Variants in DCC observed in about 807,000 individuals in gnomAD.
DCC encodes DCC netrin 1 receptor, also known as netrin receptor DCC.
DCC carries 58 observed loss-of-function variants against 172.5 expected under a neutral mutation model. That is an observed-to-expected ratio of 0.34 (90% CI 0.27 to 0.42). DCC has a LOEUF of 0.42. Ranked by LOEUF, DCC falls within the 10% of genes least tolerant of loss-of-function variation. The probability of loss-of-function intolerance (pLI) is 1.00; values close to 1 mark genes in which losing one functional copy is unlikely to be tolerated. For missense variants in DCC, 1,740 were observed against 1,791.0 expected (o/e 0.97, Z 0.51); for synonymous variants, 709 against 644.5 (o/e 1.10, Z -1.52).
At chr18:53,322,415 T>C (rs2057421965) in intron 14 of DCC, among the ~76,000 whole-genome samples, 2 of 152,154 alleles carry the variant, frequency 1.3e-5, no homozygotes, top group African/African-American at 4.8e-5. Context: ...GTTTTCAAGA[T>C]CATCTGAAAT....
At chr18:52,386,748 C>T (rs969816269) in intron 1 of DCC, among the ~76,000 whole-genome samples, 22 of 152,082 alleles carry the variant, frequency 1.4e-4, no homozygotes, top group African/African-American at 5.3e-4. Context: ...AATTTAATTG[C>T]TGGTGCTGTT....
chr18:52,593,773 C>T (rs2033850549), intron 1 of DCC, among the ~76,000 whole-genome samples: 1 of 152,174 alleles, frequency 6.6e-6, no homozygotes, highest in African/African-American at 2.4e-5. Context: ...CAACAGCGCT[C>T]CTTTCCCATT....
intron 22 of DCC, among the ~76,000 whole-genome samples, chr18:53,437,365 G>A (rs1912008300): frequency 6.6e-6 from 1 of 152,030 alleles, no homozygotes; most frequent in Non-Finnish European, 1.5e-5. Flanking sequence ...CAGATCACGA[G>A]GTCAGGAAAT....
chr18:52,687,591 C>G (rs1037989567), intron 1 of DCC, among the ~76,000 whole-genome samples: 1 of 151,920 alleles, frequency 6.6e-6, no homozygotes. Flanking sequence ...TGTGTAGATA[C>G]TTTTGCAAAT....
chr18:53,191,428 T>G (rs1260876080), intron 9 of DCC, among the ~76,000 whole-genome samples: 2 of 148,168 alleles, frequency 1.3e-5, no homozygotes, highest in Non-Finnish European at 3.0e-5. Flanking sequence ...TAACCTCATA[T>G]TTTTATAGTA....
chr18:52,588,584 G>T (rs985738259), intron 1 of DCC, among the ~76,000 whole-genome samples: 2 of 152,172 alleles, frequency 1.3e-5, no homozygotes, highest in East Asian at 1.9e-4. Context: ...AGTGCTAATT[G>T]CTGGAAAGAA....
chr18:53,318,169 T>C (rs1402887300), intron 13 of DCC, among the ~76,000 whole-genome samples: 1 of 152,210 alleles, frequency 6.6e-6, no homozygotes, highest in South Asian at 2.1e-4. Context: ...CCAGAGATTG[T>C]AGTATGTTGT....
chr18:52,426,437 C>G (rs1987429697), intron 1 of DCC, among the ~76,000 whole-genome samples: 1 of 151,802 alleles, frequency 6.6e-6, no homozygotes, highest in Admixed American at 6.6e-5. Flanking sequence ...ACCCAGTGGG[C>G]ACAAGAGTTA....
chr18:53,431,333 A>C (rs1015771670), intron 21 of DCC, among the ~76,000 whole-genome samples: 2 of 151,774 alleles, frequency 1.3e-5, no homozygotes, highest in Non-Finnish European at 2.9e-5. Context: ...TTAAGTGAAA[A>C]TCAATTAATT....
intron 1 of DCC, among the ~76,000 whole-genome samples, chr18:52,342,644 T>G (rs1983706926): frequency 1.3e-5 from 2 of 152,144 alleles, no homozygotes; most frequent in South Asian, 4.1e-4. Context: ...TCAGGGGGCA[T>G]CCCTTACTGG....
chr18:52,869,540 G>A (rs796595321), intron 2 of DCC, among the ~76,000 whole-genome samples: 4 of 152,306 alleles, frequency 2.6e-5, no homozygotes, highest in African/African-American at 9.6e-5. Context: ...TTCCTGGCTT[G>A]AAGGTGGGGC....
chr18:53,471,933 T>C (rs1317565236), intron 25 of DCC, among the ~76,000 whole-genome samples: 11 of 152,180 alleles, frequency 7.2e-5, no homozygotes, highest in Non-Finnish European at 1.3e-4. Context: ...TTTAATATAA[T>C]CTTTATAGGG....
At chr18:52,817,169 T>C (rs999709021) in intron 2 of DCC, among the ~76,000 whole-genome samples, 4 of 152,164 alleles carry the variant, frequency 2.6e-5, no homozygotes, top group Non-Finnish European at 5.9e-5. Context: ...AAAATCAATA[T>C]ATACATATGT....
At chr18:53,043,936 A>T (rs2042202670) in intron 5 of DCC, among the ~76,000 whole-genome samples, 1 of 151,870 alleles carries the variant, frequency 6.6e-6, no homozygotes, top group Non-Finnish European at 1.5e-5. Flanking sequence ...AATGCCAAGA[A>T]AAAAGAAGGA....
At chr18:52,903,328 C>T (rs557284216) in intron 2 of DCC, among the ~76,000 whole-genome samples, 1 of 152,234 alleles carries the variant, frequency 6.6e-6, no homozygotes, top group East Asian at 1.9e-4. Context: ...CCTCAGCCTC[C>T]CGAGTAGCTG....
intron 1 of DCC, among the ~76,000 whole-genome samples, chr18:52,424,451 G>A (rs555278526): frequency 2.6e-5 from 4 of 152,158 alleles, no homozygotes; most frequent in Non-Finnish European, 5.9e-5. Flanking sequence ...CGTAGGGGAA[G>A]CACAAGTGCT....
intron 2 of DCC, among the ~76,000 whole-genome samples, chr18:52,869,360 C>T (rs572647061): frequency 3.3e-5 from 5 of 152,306 alleles, no homozygotes; most frequent in South Asian, 2.1e-4. Flanking sequence ...TATAGCTGGT[C>T]GTCCTGTTGT....
intron 21 of DCC, among the ~76,000 whole-genome samples, chr18:53,430,570 A>T (rs1190913471): frequency 6.6e-6 from 1 of 152,190 alleles, no homozygotes; most frequent in Non-Finnish European, 1.5e-5. Context: ...TGTGTGCTGC[A>T]AATAAGGATT....
rs141075002 is a variant in DCC, at chr18:52,642,334, G to C, written c.92-109720G>C. On this transcript the variant is annotated intron_variant, in intron 1 of 28. Transcript: ENST00000442544. ...GGGGAATTCGGGGGAAGAGTGGGAG[G>C]GGGGCAAGGGATAGAAGACTAAAAA... Among the ~76,000 whole-genome samples, 43 of 151,710 alleles carry C rather than the reference G, an allele frequency of 2.8e-4. 1 individual carries two copies. The East Asian group carries it at 7.7e-3, about 27-fold the overall frequency.
Sources: allele counts gnomAD v4.1 joint callset (sites outside exome capture counted in the v4.1 genomes callset), GRCh38; gene constraint gnomAD v4.1.1; transcripts MANE v1.5; gene names NCBI Gene and HGNC (gene_info 2026-07-23, HGNC 2026-07-21).